CILK1: variants seen among roughly 807,000 people sequenced by gnomAD.
CILK1 encodes the protein ciliogenesis associated kinase 1.
In CILK1, 47 loss-of-function variants were observed where a neutral mutation model predicts 79.2. That is an observed-to-expected ratio of 0.59 (90% CI 0.47 to 0.76). CILK1 has a LOEUF of 0.76. Ranked by LOEUF, CILK1 falls within the 30% of genes least tolerant of loss-of-function variation. The probability of loss-of-function intolerance (pLI) is 0.00; values close to 1 mark genes in which losing one functional copy is unlikely to be tolerated. For missense variants in CILK1, 660 were observed against 769.5 expected (o/e 0.86, Z 1.68); for synonymous variants, 266 against 275.9 (o/e 0.96, Z 0.36).
intron 11 of CILK1, among the ~76,000 whole-genome samples, chr6:53,010,150 C>T (rs1469635950): frequency 6.6e-6 from 1 of 152,150 alleles, no homozygotes; most frequent in East Asian, 1.9e-4. Flanking sequence ...CACTGTAATT[C>T]GAGGCTTGGC....
At chr6:53,047,498 CTCTT>C (rs1236281202) in intron 1 of CILK1, among the ~76,000 whole-genome samples, 1 of 90,670 alleles carries the variant, frequency 1.1e-5, no homozygotes, top group African/African-American at 4.7e-5. Flanking sequence ...GAGATGAGGT[CTCTT>C]TTTTTTTTTT....
At chr6:53,048,707 T>C (rs182728019) in intron 1 of CILK1, among the ~76,000 whole-genome samples, 119 of 152,300 alleles carry the variant, frequency 7.8e-4, no homozygotes, top group African/African-American at 2.8e-3. Context: ...CTCTACTCCA[T>C]AGCAATGCTT....
chr6:53,023,034 C>T (rs1052834618), intron 5 of CILK1, among the ~76,000 whole-genome samples: 6 of 151,804 alleles, frequency 4.0e-5, no homozygotes, highest in Non-Finnish European at 7.4e-5. Context: ...CCTGGGTTCA[C>T]GCCATTCTCC....
At chr6:53,011,470 G>A (rs904869007) in intron 11 of CILK1, among the ~76,000 whole-genome samples, 1 of 152,084 alleles carries the variant, frequency 6.6e-6, no homozygotes, top group Non-Finnish European at 1.5e-5. Context: ...ATGGTGGTGG[G>A]CACCTGTAGT....
At chr6:53,038,346 G>A (rs989143681) in intron 2 of CILK1, among the ~76,000 whole-genome samples, 3 of 152,222 alleles carry the variant, frequency 2.0e-5, no homozygotes, top group Non-Finnish European at 4.4e-5. Flanking sequence ...ACTGCTCTGT[G>A]CTGTCCAGGA....
Position 53,014,440 on chromosome 6 carries a change from A to C in CILK1, c.832-458T>G, listed in dbSNP as rs746200706. On this transcript the variant is annotated intron_variant, in intron 8 of 13. Transcript: ENST00000676107. ...AAGCAGGCACATATGCTTTTATCCC[A>C]AAAGTGCCAAGAGTGTAATACATGA... Among the ~76,000 whole-genome samples, 5 of 152,256 alleles carry C rather than the reference A, an allele frequency of 3.3e-5. 1 individual carries two copies. Among genetic ancestry groups the C allele is most frequent in the Non-Finnish European group, 4.4e-5 (3 of 68,034 alleles).
chr6:53,002,584 A>G lies in CILK1; in HGVS notation c.*2565T>C, dbSNP rs1763992661. On this transcript the variant is annotated 3_prime_UTR_variant, in exon 14 of 14. Transcript: ENST00000676107. ...TTCTATAGTGCATAGGTTTTTTTAC[A>G]CAATTTGTCCTTTACCCATTTCAGA... 1.3e-5 allele frequency: 2 copies of G among 152,234 alleles called. No individual in the cohort carries two copies. The highest frequency in any genetic ancestry group is 4.8e-5 in the African/African-American group (2 of 41,458). The allele number at this position is 152,234 out of a possible 1,614,324, so 9.4% of individuals were successfully genotyped here. A position where few individuals can be genotyped will look rare whatever the true frequency, so the allele number is the denominator to read the frequency against.
intron 1 of CILK1, among the ~76,000 whole-genome samples, chr6:53,047,330 G>T (rs533265379): frequency 3.2e-4 from 48 of 152,060 alleles, no homozygotes; most frequent in African/African-American, 1.0e-3. Context: ...TTGAGACAGG[G>T]TCTCACTCTG....
At position 53,061,761 on chromosome 6, in the gene CILK1, C is replaced by T. The variant is rs570479403; in HGVS notation, c.-338G>A. 4.6e-5 allele frequency: 7 copies of T among 152,324 alleles called. No individual in the cohort carries two copies. Among genetic ancestry groups the T allele is most frequent in the Non-Finnish European group, 1.0e-4 (7 of 68,098 alleles). 9.4% of individuals were successfully genotyped at this position (152,324 alleles called of 1,614,324 possible). A position where few individuals can be genotyped will look rare whatever the true frequency, so the allele number is the denominator to read the frequency against. Reference sequence around the variant, plus strand: ...GCGAGGTCCGGCGAGTCGCACGGGCCGCACGGCGCATGGTAGTGCAGCAGG... The same window carrying T: ...GCGAGGTCCGGCGAGTCGCACGGGCTGCACGGCGCATGGTAGTGCAGCAGG... On this transcript the variant is annotated 5_prime_UTR_variant, in exon 1 of 14. Coordinates refer to ENST00000676107, the MANE Select transcript of CILK1 (RefSeq NM_014920.5).
intron 5 of CILK1, among the ~76,000 whole-genome samples, chr6:53,021,782 C>T (rs1765260374): frequency 6.7e-6 from 1 of 149,742 alleles, no homozygotes; most frequent in Non-Finnish European, 1.5e-5. Context: ...TAGAATTGTA[C>T]TCCTTCTACT....
chr6:53,045,201 C>T (rs529380901), intron 1 of CILK1, among the ~76,000 whole-genome samples: 10 of 152,284 alleles, frequency 6.6e-5, no homozygotes, highest in African/African-American at 2.2e-4. Flanking sequence ...ATGGTTCCTC[C>T]ACTTCATGAT....
chr6:53,005,403 G>A (rs1409055442), intron 13 of CILK1, 100 bp from the exon 14 acceptor site: 4 of 1,277,736 alleles, frequency 3.1e-6, no homozygotes, highest in Non-Finnish European at 4.5e-6. Flanking sequence ...AAAATAAGGA[G>A]TTCAAGAGGA....
intron 2 of CILK1, among the ~76,000 whole-genome samples, chr6:53,040,365 G>A (rs1766618573): frequency 6.6e-6 from 1 of 152,232 alleles, no homozygotes; most frequent in Admixed American, 6.5e-5. Flanking sequence ...AAGTTTTGAT[G>A]AAGCAAATTG....
rs557388964 is a variant in CILK1, at chr6:53,009,756, C to T, written c.1493-189G>A. ...AAAGATATCTCACTGGTTGGTGGCC[C>T]GAGAGAGGCCTCTTATGCTTCTAAG... On this transcript the variant is annotated intron_variant, in intron 11 of 13. Coordinates refer to ENST00000676107, the MANE Select transcript of CILK1 (RefSeq NM_014920.5). Among the ~76,000 whole-genome samples the T allele has an allele frequency of 7.9e-5, 12 of 152,298 alleles. No homozygotes were observed. In the South Asian group the frequency reaches 8.3e-4, roughly 11 times the overall value.
intron 1 of CILK1, among the ~76,000 whole-genome samples, chr6:53,043,467 T>C (rs1766847437): frequency 1.3e-5 from 2 of 152,112 alleles, no homozygotes; most frequent in Admixed American, 1.3e-4. Context: ...AACAAGCTTT[T>C]AGAGATCAAG....
intron 1 of CILK1, among the ~76,000 whole-genome samples, chr6:53,044,333 T>C (rs1766915771): frequency 6.6e-6 from 1 of 152,210 alleles, no homozygotes; most frequent in African/African-American, 2.4e-5. Context: ...GGTTGCGTGC[T>C]CCTTAGGAGA....
rs369575033 is a variant in CILK1 at position 53,035,175 on chromosome 6, G to T, written c.157-2521C>A. Reference sequence around the variant, plus strand: ...AGGTTGAAAAGTAAATGGCGTGTGGGAAAGCTGCACTGAAGAAAGAAGTTT... The same window carrying T: ...AGGTTGAAAAGTAAATGGCGTGTGGTAAAGCTGCACTGAAGAAAGAAGTTT... On this transcript the variant is annotated intron_variant, in intron 3 of 13. Coordinates refer to ENST00000676107, the MANE Select transcript of CILK1 (RefSeq NM_014920.5). 3.9e-5 allele frequency among the ~76,000 whole-genome samples: 6 copies of T among 152,236 alleles called. No individual in the cohort carries two copies. The East Asian group carries it at 1.2e-3, about 29-fold the overall frequency.
Position 53,011,884 on chromosome 6 carries a change from C to A in CILK1, c.1377G>T (p.Glu459Asp). The A allele has an allele frequency of 1.2e-6, 2 of 1,614,140 alleles. No homozygotes were observed. Among genetic ancestry groups the A allele is most frequent in the Non-Finnish European group, 1.7e-6 (2 of 1,180,018 alleles). Reference sequence around the variant, plus strand: ...GGGCACTGTTTCCTGTGCCCACAGGCTCAGAGGGCTTCAGGTCCAAAACAC... The same window carrying A: ...GGGCACTGTTTCCTGTGCCCACAGGATCAGAGGGCTTCAGGTCCAAAACAC... ...FESVLDLKPS[E>D]PVGTGNSAPT... The change falls in exon 11 of 14, where the codon GAG becomes GAT. Residue 459 changes from glutamate to aspartate, a missense_variant. Coordinates refer to ENST00000676107, the MANE Select transcript of CILK1 (RefSeq NM_014920.5).
In CILK1 at chr6:53,052,245, T is replaced by G. The variant is rs1767533402; in HGVS notation, c.-173+9351A>C. Among the ~76,000 whole-genome samples, 5 of 152,218 alleles carry G rather than the reference T, an allele frequency of 3.3e-5. No homozygotes were observed. In the South Asian group the frequency reaches 1.0e-3, roughly 32 times the overall value. On this transcript the variant is annotated intron_variant, in intron 1 of 13. Transcript: ENST00000676107. ...AAGGACATGATCTCATACCATTTTA[T>G]AGCGGCAAAGTATTCCATGGTGTAT...
Sources: gnomAD v4.1 joint callset for allele counts (sites outside exome capture counted in the v4.1 genomes callset) on GRCh38, gnomAD v4.1.1 for gene constraint, MANE v1.5 for transcripts, NCBI Gene and HGNC (gene_info 2026-07-23, HGNC 2026-07-21) for gene names.